OSBPL8: variants seen among roughly 807,000 people sequenced by gnomAD.
OSBPL8 encodes oxysterol-binding protein-related protein 8.
OSBPL8 carries 59 observed loss-of-function variants against 125.5 expected under a neutral mutation model. The observed-to-expected ratio is 0.47, with a 90% CI of 0.38 to 0.58. The LOEUF (loss-of-function observed/expected upper bound fraction) is 0.58. Ranked by LOEUF, OSBPL8 falls within the 20% of genes least tolerant of loss-of-function variation. OSBPL8 has a pLI of 0.00. For missense variants in OSBPL8, 758 were observed against 1,047.8 expected (o/e 0.72, Z 3.82); for synonymous variants, 330 against 338.9 (o/e 0.97, Z 0.29).
chr12:76,520,698 T>C (rs960778083), intron 1 of OSBPL8, among the ~76,000 whole-genome samples: 2 of 152,074 alleles, frequency 1.3e-5, no homozygotes, highest in Admixed American at 6.5e-5. Flanking sequence ...GCATAGTAAA[T>C]GTGTTCCATC....
intron 1 of OSBPL8, among the ~76,000 whole-genome samples, chr12:76,488,486 A>G (rs1453073218): frequency 6.6e-6 from 1 of 152,184 alleles, no homozygotes; most frequent in East Asian, 1.9e-4. Flanking sequence ...AAGTAAGTCT[A>G]TCGGTACTTT....
chr12:76,367,606 A>G (rs568224836), intron 21 of OSBPL8, among the ~76,000 whole-genome samples: 1 of 152,222 alleles, frequency 6.6e-6, no homozygotes, highest in Non-Finnish European at 1.5e-5. Flanking sequence ...GCTATTTTCT[A>G]TACGTCATAT....
chr12:76,498,988 T>C (rs1460618508), intron 1 of OSBPL8, among the ~76,000 whole-genome samples: 2 of 152,150 alleles, frequency 1.3e-5, no homozygotes, highest in Non-Finnish European at 2.9e-5. Context: ...GTACTGATCC[T>C]GGGTGTTTCT....
chr12:76,402,247 A>T (rs1954079497), intron 6 of OSBPL8, among the ~76,000 whole-genome samples: 1 of 152,200 alleles, frequency 6.6e-6, no homozygotes, highest in Admixed American at 6.5e-5. Context: ...CATATTTCTC[A>T]GAGAAATTGG....
intron 1 of OSBPL8, among the ~76,000 whole-genome samples, chr12:76,516,632 G>T (rs1237853006): frequency 6.6e-6 from 1 of 152,030 alleles, no homozygotes; most frequent in African/African-American, 2.4e-5. Context: ...AAACACAAAA[G>T]AGAAAAAGCC....
At chr12:76,494,055 C>T (rs1477035094) in intron 1 of OSBPL8, among the ~76,000 whole-genome samples, 2 of 152,092 alleles carry the variant, frequency 1.3e-5, no homozygotes, top group Non-Finnish European at 1.5e-5. Context: ...TTTCTGATTT[C>T]ATTGAGTTGT....
intron 3 of OSBPL8, 90 bp downstream of exon 3, chr12:76,459,768 CA>C: frequency 6.9e-7 from 1 of 1,443,396 alleles, no homozygotes. Context: ...CTTAATAATT[CA>C]AAATTGAAAC....
chr12:76,374,742 C>T (rs1952746941), intron 17 of OSBPL8, among the ~76,000 whole-genome samples: 1 of 151,966 alleles, frequency 6.6e-6, no homozygotes, highest in South Asian at 2.1e-4. Flanking sequence ...TTTCTGAGAC[C>T]CCAGACATTA....
At chr12:76,452,190 C>T (rs1025081470) in intron 3 of OSBPL8, among the ~76,000 whole-genome samples, 1 of 152,220 alleles carries the variant, frequency 6.6e-6, no homozygotes, top group South Asian at 2.1e-4. Flanking sequence ...TTCACATTCA[C>T]CTTTTTATCA....
chr12:76,387,943 C>T (rs1168275386), intron 12 of OSBPL8, among the ~76,000 whole-genome samples: 2 of 152,170 alleles, frequency 1.3e-5, no homozygotes, highest in East Asian at 3.8e-4. Flanking sequence ...CTATAGGTAA[C>T]TTTTTAAAAA....
intron 4 of OSBPL8, among the ~76,000 whole-genome samples, chr12:76,428,521 T>A (rs1870428483): frequency 6.6e-6 from 1 of 152,106 alleles, no homozygotes; most frequent in Non-Finnish European, 1.5e-5. Flanking sequence ...TTGAATTACA[T>A]TAGGATGAAA....
intron 1 of OSBPL8, among the ~76,000 whole-genome samples, chr12:76,552,811 C>T (rs946111248): frequency 5.3e-5 from 8 of 152,128 alleles, no homozygotes; most frequent in Non-Finnish European, 1.0e-4. Context: ...CTCCAGGGTT[C>T]GTGCTATTCT....
At chr12:76,499,694 T>C (rs913768965) in intron 1 of OSBPL8, among the ~76,000 whole-genome samples, 8 of 151,972 alleles carry the variant, frequency 5.3e-5, no homozygotes, top group South Asian at 4.1e-4. Context: ...CTACTAAAAA[T>C]ACAAAAATTA....
At chr12:76,509,847 T>C (rs1592818011) in intron 1 of OSBPL8, among the ~76,000 whole-genome samples, 1 of 151,974 alleles carries the variant, frequency 6.6e-6, no homozygotes, top group Non-Finnish European at 1.5e-5. Flanking sequence ...TAATATCAAC[T>C]ATCAGAGAGA....
At chr12:76,378,671 C>G in intron 15 of OSBPL8, 121 bp from the exon 16 acceptor site, 1 of 662,632 alleles carries the variant, frequency 1.5e-6, no homozygotes, top group Non-Finnish European at 2.6e-6. Flanking sequence ...ATGTCTCAAT[C>G]TCAATGTGCC....
intron 10 of OSBPL8, among the ~76,000 whole-genome samples, chr12:76,391,965 T>C (rs1451569994): frequency 6.6e-6 from 1 of 152,146 alleles, no homozygotes; most frequent in Non-Finnish European, 1.5e-5. Context: ...GTCTAATGTT[T>C]TTCCTGCAAA....
intron 4 of OSBPL8, among the ~76,000 whole-genome samples, chr12:76,415,248 T>C (rs901814510): frequency 6.7e-6 from 1 of 149,070 alleles, no homozygotes; most frequent in Non-Finnish European, 1.5e-5. Flanking sequence ...TTTTTTTCTT[T>C]CCTTTTTTTT....
chr12:76,553,318 G>T lies in OSBPL8; in HGVS notation c.-68+6079C>A, dbSNP rs370818607. Among the ~76,000 whole-genome samples, 3 of 151,988 alleles carry T rather than the reference G, an allele frequency of 2.0e-5. No individual in the cohort carries two copies. In the East Asian group the frequency reaches 5.8e-4, roughly 29 times the overall value. On this transcript the variant is annotated intron_variant, in intron 1 of 23. Coordinates refer to ENST00000261183, the MANE Select transcript of OSBPL8 (RefSeq NM_020841.5). ...CCAAAAAGCAAAAATTACCTTACTG[G>T]TGGTCATCTCAACAGGACAGATTTC... is the stretch of plus-strand genomic sequence containing the variant.
chr12:76,495,742 A>C (rs1879203679), intron 1 of OSBPL8, among the ~76,000 whole-genome samples: 1 of 151,436 alleles, frequency 6.6e-6, no homozygotes, highest in African/African-American at 2.5e-5. Context: ...TAGTTATGAC[A>C]TCACACAAGG....
Sources: allele counts gnomAD v4.1 joint callset (sites outside exome capture counted in the v4.1 genomes callset), GRCh38; gene constraint gnomAD v4.1.1; transcripts MANE v1.5; gene names NCBI Gene and HGNC (gene_info 2026-07-23, HGNC 2026-07-21).